Variants in SPON1 observed in about 807,000 individuals in gnomAD.
The protein encoded by SPON1 is spondin 1, also known as spondin-1.
In SPON1, 52 loss-of-function variants were observed where a neutral mutation model predicts 111.7. That is an observed-to-expected ratio of 0.47 (90% CI 0.37 to 0.59). The LOEUF is 0.59. Among genes scored for constraint, SPON1 ranks in the 20% least tolerant of loss-of-function variants. SPON1 has a pLI of 0.00. For missense variants in SPON1, 957 were observed against 1,068.5 expected, an observed-to-expected ratio of 0.90 and a Z score of 1.46; for synonymous variants, 410 against 395.8, an observed-to-expected ratio of 1.04 and a Z score of -0.43.
chr11:14,053,742 G>T (rs183183028), intron 3 of SPON1, among the ~76,000 whole-genome samples: 2 of 152,240 alleles, frequency 1.3e-5, no homozygotes, highest in East Asian at 3.9e-4. Context: ...GAGTAGAAAA[G>T]GACAAAGAAA....
intron 6 of SPON1, among the ~76,000 whole-genome samples, chr11:14,150,033 G>A (rs899975443): frequency 1.4e-4 from 21 of 151,988 alleles, no homozygotes; most frequent in African/African-American, 4.6e-4. Flanking sequence ...TGTTTATTGC[G>A]GCATTATTCA....
chr11:14,222,572 T>C (rs1246845815), intron 6 of SPON1, among the ~76,000 whole-genome samples: 4 of 152,132 alleles, frequency 2.6e-5, no homozygotes, highest in African/African-American at 9.7e-5. Flanking sequence ...CACTGACATA[T>C]AGCCACTGCC....
chr11:13,963,645 A>C (rs1847992803), intron 1 of SPON1, among the ~76,000 whole-genome samples: 1 of 152,114 alleles, frequency 6.6e-6, no homozygotes, highest in South Asian at 2.1e-4. Context: ...GCTTCCCTGG[A>C]TAGGTCCCTT....
chr11:14,124,878 A>T (rs563156827), intron 5 of SPON1, among the ~76,000 whole-genome samples: 78 of 152,396 alleles, frequency 5.1e-4, no homozygotes, highest in African/African-American at 1.8e-3. Context: ...AATCAATTTT[A>T]TAAGTGCAAG....
intron 5 of SPON1, among the ~76,000 whole-genome samples, chr11:14,095,092 CTT>C (rs1849088229): frequency 6.6e-6 from 1 of 152,180 alleles, no homozygotes; most frequent in Non-Finnish European, 1.5e-5. Flanking sequence ...TTATCTCTCT[CTT>C]TTTACAAATG....
chr11:14,017,062 T>A (rs1554914378), intron 2 of SPON1, among the ~76,000 whole-genome samples: 1 of 152,216 alleles, frequency 6.6e-6, no homozygotes, highest in Admixed American at 6.5e-5. Flanking sequence ...GTCAGGCCCA[T>A]TTTCATTGGC....
intron 2 of SPON1, among the ~76,000 whole-genome samples, chr11:14,033,836 C>A (rs1223501638): frequency 6.6e-6 from 1 of 152,194 alleles, no homozygotes; most frequent in African/African-American, 2.4e-5. Flanking sequence ...GGTTGTCTCA[C>A]CTGGCTGGAT....
intron 5 of SPON1, among the ~76,000 whole-genome samples, chr11:14,108,996 G>T (rs1211861713): frequency 1.3e-5 from 2 of 152,144 alleles, no homozygotes; most frequent in Non-Finnish European, 2.9e-5. Context: ...CCATTTAATT[G>T]TTGAGCTGAG....
intron 2 of SPON1, among the ~76,000 whole-genome samples, chr11:14,036,425 A>C (rs1427704626): frequency 6.6e-6 from 1 of 152,228 alleles, no homozygotes; most frequent in Non-Finnish European, 1.5e-5. Flanking sequence ...GATGAAGGCA[A>C]GGAAGAGCCA....
chr11:14,259,617 C>T lies in SPON1; in HGVS notation c.1747C>T (p.Arg583Cys), dbSNP rs1554941700. Reference protein sequence around the residue: ...TCGMGMKKRHRMIKMNPADGS... With the variant: ...TCGMGMKKRHCMIKMNPADGS... ...CGGCATGGGCATGAAGAAGCGGCACCGCATGATCAAGATGAACCCCGCAGA... is the reference window on the plus strand; with the variant it reads ...CGGCATGGGCATGAAGAAGCGGCACTGCATGATCAAGATGAACCCCGCAGA... Residue 583 changes from arginine (R) to cysteine (C), a missense_variant, in exon 13 of 16, where the codon CGC (arginine) becomes TGC (cysteine). Arg to Cys is a radical substitution (Grantham distance 180). Around this residue, in one of 5 missense-constraint regions of SPON1, gnomAD observed 549 missense variants for 606.2 expected, o/e 0.91. Transcript: ENST00000576479. This position sits in a 1 kb window ranked among gnomAD's most constrained non-coding sequence, Gnocchi z 5.0. The T allele has an allele frequency of 5.8e-6, 9 of 1,559,630 alleles. No individual in the cohort carries two copies. The highest frequency in any genetic ancestry group is 1.2e-5 in the South Asian group (1 of 84,418).
chr11:14,202,870 G>A (rs1199805762), intron 6 of SPON1, among the ~76,000 whole-genome samples: 2 of 152,142 alleles, frequency 1.3e-5, no homozygotes, highest in Non-Finnish European at 2.9e-5. Flanking sequence ...GAGTCAAGCA[G>A]AGGTGCTGGC....
At chr11:14,002,499 G>C (rs1253779844) in intron 2 of SPON1, among the ~76,000 whole-genome samples, 1 of 152,166 alleles carries the variant, frequency 6.6e-6, no homozygotes, top group African/African-American at 2.4e-5. Context: ...GATCTGCAGA[G>C]GGAAAGGACA....
chr11:14,236,326 G>T (rs1403215347), intron 6 of SPON1, among the ~76,000 whole-genome samples: 1 of 152,130 alleles, frequency 6.6e-6, no homozygotes, highest in African/African-American at 2.4e-5. Flanking sequence ...CAGGGTGGGA[G>T]AGAAAGAGGC....
chr11:14,143,363 A>G (rs1161262736), intron 6 of SPON1, among the ~76,000 whole-genome samples: 1 of 152,086 alleles, frequency 6.6e-6, no homozygotes, highest in Non-Finnish European at 1.5e-5. Flanking sequence ...GGAGTTCAAG[A>G]CCAGCCTGGG....
At chr11:14,265,384 C>T in intron 15 of SPON1, 140 bp from the exon 16 acceptor site, 1 of 995,218 alleles carries the variant, frequency 1.0e-6, no homozygotes, top group Non-Finnish European at 1.4e-6. Context: ...CTAACTGTCC[C>T]TAATAACGAC....
intron 2 of SPON1, among the ~76,000 whole-genome samples, chr11:14,019,755 T>A (rs925519252): frequency 6.6e-6 from 1 of 152,162 alleles, no homozygotes; most frequent in African/African-American, 2.4e-5. Context: ...GCCTTTCTCT[T>A]CTATTCCATA....
intron 5 of SPON1, among the ~76,000 whole-genome samples, chr11:14,111,177 C>T (rs896845674): frequency 2.0e-5 from 3 of 152,278 alleles, no homozygotes; most frequent in East Asian, 3.9e-4. Flanking sequence ...CTCATATTAC[C>T]CTCAACCCTT....
At position 14,156,064 on chromosome 11, in the gene SPON1, A is replaced by G. The variant is rs79552311; in HGVS notation, c.825+20496A>G. Among the ~76,000 whole-genome samples the G allele has an allele frequency of 2.5e-5, 3 of 121,490 alleles. 1 individual carries two copies. Among genetic ancestry groups the G allele is most frequent in the South Asian group, 5.7e-4 (2 of 3,492 alleles). The allele number at this position is 121,490 out of a possible 152,430, so 79.7% of individuals were successfully genotyped here. ...GGTATTTCTAGATCCCTGAGGAATC[A>G]CCACACTGACTTCCACAATGGTTGA... is the stretch of plus-strand genomic sequence containing the variant. On this transcript the variant is annotated intron_variant, in intron 6 of 15. Coordinates refer to ENST00000576479, the MANE Select transcript of SPON1 (RefSeq NM_006108.4).
chr11:14,195,709 C>A (rs1848393338), intron 6 of SPON1, among the ~76,000 whole-genome samples: 1 of 152,162 alleles, frequency 6.6e-6, no homozygotes, highest in Admixed American at 6.5e-5. Flanking sequence ...TGAGGATGGA[C>A]AGTCCTACAA....
Sources: allele counts gnomAD v4.1 joint callset (sites outside exome capture counted in the v4.1 genomes callset), GRCh38; gene constraint gnomAD v4.1.1; regional missense constraint gnomAD v4.1.1; non-coding constraint Gnocchi (gnomAD v3.1); transcripts MANE v1.5; gene names NCBI Gene and HGNC (gene_info 2026-07-23, HGNC 2026-07-21).